Variants in CACNA2D4 observed in about 807,000 individuals in gnomAD.
CACNA2D4 encodes the protein calcium voltage-gated channel auxiliary subunit alpha2delta 4.
CACNA2D4 carries 157 observed loss-of-function variants against 163.8 expected under a neutral mutation model. The ratio of observed to expected loss-of-function variants is 0.96; its 90% confidence interval spans 0.84 to 1.09. CACNA2D4 has a LOEUF of 1.09. Among genes scored for constraint, CACNA2D4 ranks in the 50% least tolerant of loss-of-function variants. CACNA2D4 has a pLI of 0.00. For synonymous variants in CACNA2D4, 598 were observed against 586.9 expected (o/e 1.02, Z -0.27); for missense variants, 1,410 against 1,479.9 (o/e 0.95, Z 0.78).
rs752880005 is a variant in CACNA2D4, at chr12:1,834,243, CCT to C, written c.2551+6494_2551+6495del. 2.0e-6 allele frequency: 3 copies of C among 1,528,310 alleles called. No individual in the cohort carries two copies. Among genetic ancestry groups the C allele is most frequent in the African/African-American group, 1.4e-5 (1 of 72,542 alleles). 94.7% of individuals were successfully genotyped at this position (1,528,310 alleles called of 1,614,324 possible). A position where few individuals can be genotyped will look rare whatever the true frequency, so the allele number is the denominator to read the frequency against. ...GCAAGTTCTAGATGCCTGGTCAGCC[CCT>C]CTTTTTCTCTTCTGCATGTAGGGGG... On this transcript the variant is annotated intron_variant, in intron 26 of 37. Transcript: ENST00000382722. The surrounding 1 kb of genome is among the most constrained non-coding windows in gnomAD (Gnocchi z 7.6).
intron 36 of CACNA2D4, 42 bp downstream of exon 36, chr12:1,795,626 C>T: frequency 7.3e-7 from 1 of 1,374,762 alleles, no homozygotes; most frequent in Non-Finnish European, 1.0e-6. Flanking sequence ...CCTCCTACAG[C>T]CCCCGCCCCC....
chr12:1,859,354 C>A (rs534441497), intron 19 of CACNA2D4, among the ~76,000 whole-genome samples: 1 of 152,130 alleles, frequency 6.6e-6, no homozygotes, highest in South Asian at 2.1e-4. Context: ...GAGATCCTGT[C>A]TCAAAAAAAA....
At position 1,801,711 on chromosome 12, in the gene CACNA2D4, CCAGCACTATTTATT is replaced by C. The variant is rs1863340056; in HGVS notation, c.2722-81_2722-68del. The C allele has an allele frequency of 1.5e-5, 17 of 1,116,846 alleles. 1 individual carries two copies. The South Asian group carries it at 2.4e-4, about 16-fold the overall frequency. The allele number at this position is 1,116,846 out of a possible 1,614,324, so 69.2% of individuals were successfully genotyped here. ...TGGAGCAGGATGGAGCCTTCCGAGT[CCAGCACTATTTATT>C]CAGCTCAGGTCGAGGCTTTTGGTGC... On this transcript the variant is annotated intron_variant, in intron 29 of 37. Transcript: ENST00000382722.
intron 6 of CACNA2D4, among the ~76,000 whole-genome samples, chr12:1,887,335 C>T (rs539398001): frequency 6.6e-6 from 1 of 152,288 alleles, no homozygotes; most frequent in South Asian, 2.1e-4. Context: ...ATTTGTGAGG[C>T]AAAACCTCAT....
At chr12:1,915,473 C>A (rs1211043816) in intron 1 of CACNA2D4, among the ~76,000 whole-genome samples, 4 of 152,192 alleles carry the variant, frequency 2.6e-5, no homozygotes, top group Non-Finnish European at 5.9e-5. Context: ...GGACAACCTG[C>A]CTGGCCACAG....
In CACNA2D4 at chr12:1,834,352, C is replaced by A. The variant is rs781383616; in HGVS notation, c.2551+6387G>T. 1 of 1,613,124 alleles carries A rather than the reference C, an allele frequency of 6.2e-7. No homozygotes were observed. The highest frequency in any genetic ancestry group is 1.7e-5 in the Admixed American group (1 of 59,988). On this transcript the variant is annotated intron_variant, in intron 26 of 37. Transcript: ENST00000382722. This position sits in a 1 kb window ranked among gnomAD's most constrained non-coding sequence, Gnocchi z 7.6. ...GGATGGTCCCCATGGAGATGTTCAA[C>A]TACTGCTCCCAGCTGGAGGACGAGA...
chr12:1,915,359 A>C (rs1866946132), intron 1 of CACNA2D4: 1 of 651,896 alleles, frequency 1.5e-6, no homozygotes, highest in African/African-American at 1.8e-5. Context: ...GCTTGACCCC[A>C]AGCTTCCAGG....
At chr12:1,809,076 G>T (rs1209568343) in intron 29 of CACNA2D4, among the ~76,000 whole-genome samples, 1 of 152,216 alleles carries the variant, frequency 6.6e-6, no homozygotes, top group African/African-American at 2.4e-5. Context: ...CGTTAAGTGG[G>T]TCATTTAAAC....
In CACNA2D4 at chr12:1,801,659, C is replaced by T. The variant is rs1863336324; in HGVS notation, c.2722-15G>A. 2 of 1,556,774 alleles carry T rather than the reference C, an allele frequency of 1.3e-6. No individual in the cohort carries two copies. The highest frequency in any genetic ancestry group is 1.7e-6 in the Non-Finnish European group (2 of 1,143,256). On this transcript the variant is annotated splice_polypyrimidine_tract_variant and intron_variant, in intron 29 of 37. Coordinates refer to ENST00000382722, the MANE Select transcript of CACNA2D4 (RefSeq NM_172364.5). ...AATCTTCCCGTCTGTGAGAGAGGGA[C>T]AGCAGAGAGAGAGGGAGGGAGAGAG...
Position 1,828,256 on chromosome 12 carries a change from TG to T in CACNA2D4, c.2551+12482del, listed in dbSNP as rs1864446390. On this transcript the variant is annotated intron_variant, in intron 26 of 37. Coordinates refer to ENST00000382722, the MANE Select transcript of CACNA2D4 (RefSeq NM_172364.5). This position sits in a 1 kb window ranked among gnomAD's most constrained non-coding sequence, Gnocchi z 4.2. ...GCCTCGGAGGGGGGTGCGGGTTGGG[TG>T]GGGGTGCCGAGGTGACTGTAGGTAG... is the stretch of plus-strand genomic sequence containing the variant. The T allele has an allele frequency of 2.1e-6, 3 of 1,460,952 alleles. No homozygotes were observed. Among genetic ancestry groups the T allele is most frequent in the South Asian group, 1.3e-5 (1 of 78,514 alleles). The allele number at this position is 1,460,952 out of a possible 1,614,324, so 90.5% of individuals were successfully genotyped here.
At chr12:1,847,509 G>A (rs34863216) in intron 23 of CACNA2D4, among the ~76,000 whole-genome samples, 2,268 of 152,266 alleles carry the variant, frequency 0.015, 60 homozygotes, top group East Asian at 0.12. Flanking sequence ...GAAAATCACT[G>A]AGGGAAAGGG....
intron 18 of CACNA2D4, 44 bp from the exon 19 acceptor site, chr12:1,860,250 G>A (rs564875830): frequency 2.4e-5 from 37 of 1,529,356 alleles, no homozygotes; most frequent in South Asian, 1.9e-4. Flanking sequence ...AGAGAAGAGC[G>A]GCCCCCAGCC....
At chr12:1,856,526 C>T (rs908580020) in intron 20 of CACNA2D4, among the ~76,000 whole-genome samples, 3 of 152,264 alleles carry the variant, frequency 2.0e-5, no homozygotes, top group African/African-American at 7.2e-5. Flanking sequence ...CTGCAGCCCT[C>T]ATGCCCCTCC....
Position 1,874,530 on chromosome 12 carries a change from C to T in CACNA2D4, c.1878+74G>A. The T allele has an allele frequency of 9.8e-7, 1 of 1,016,186 alleles. No homozygotes were observed. 62.9% of individuals were successfully genotyped at this position (1,016,186 alleles called of 1,614,324 possible). A position where few individuals can be genotyped will look rare whatever the true frequency, so the allele number is the denominator to read the frequency against. On this transcript the variant is annotated intron_variant, in intron 18 of 37. Transcript: ENST00000382722. This position sits in a 1 kb window ranked among gnomAD's most constrained non-coding sequence, Gnocchi z 4.4. ...GCTATAATTAGGCTAAGTCCAGGTC[C>T]CTCGTCACTACTCCAAACCCAATTA...
intron 6 of CACNA2D4, among the ~76,000 whole-genome samples, chr12:1,890,638 G>C (rs1186745048): frequency 1.3e-5 from 2 of 152,184 alleles, no homozygotes; most frequent in Non-Finnish European, 2.9e-5. Context: ...CACAGCCACT[G>C]CTGCCCCAAC....
chr12:1,860,339 G>A (rs56110511), intron 18 of CACNA2D4, 133 bp from the exon 19 acceptor site: 102,096 of 679,440 alleles, frequency 0.15, 14,596 homozygotes, highest in East Asian at 0.5. Flanking sequence ...TCCCTGACCA[G>A]CCCCTACACA....
At position 1,883,086 on chromosome 12, in the gene CACNA2D4, A is replaced by G. The variant is rs377193322; in HGVS notation, c.1352-86T>C. ...GGGCCTGCACCCTCCCCAGCTGCAG[A>G]TGGCTCATAGCCGAATACTCTCTGG... is the stretch of plus-strand genomic sequence containing the variant. On this transcript the variant is annotated intron_variant, in intron 12 of 37. Transcript: ENST00000382722. The surrounding 1 kb of genome is among the most constrained non-coding windows in gnomAD (Gnocchi z 4.5). 3.7e-5 allele frequency: 52 copies of G among 1,419,000 alleles called. 1 individual carries two copies. The East Asian group carries it at 7.6e-4, about 21-fold the overall frequency. The allele number at this position is 1,419,000 out of a possible 1,614,324, so 87.9% of individuals were successfully genotyped here. A position where few individuals can be genotyped will look rare whatever the true frequency, so the allele number is the denominator to read the frequency against.
In CACNA2D4 at chr12:1,902,834, T is replaced by G. The variant is rs147572790; in HGVS notation, c.781+4606A>C. On this transcript the variant is annotated intron_variant, in intron 6 of 37. Transcript: ENST00000382722. ...AATGCAATCCCTATCAAAATACCAA[T>G]GACATTCTTCACAGATATAGAAGAA... Among the ~76,000 whole-genome samples the G allele has an allele frequency of 3.1e-3, 475 of 152,140 alleles. 9 individuals are homozygous for G. Among genetic ancestry groups the G allele is most frequent in the East Asian group, 0.017 (86 of 5,184 alleles).
intron 26 of CACNA2D4, among the ~76,000 whole-genome samples, chr12:1,824,466 A>T (rs749224811): frequency 3.3e-5 from 5 of 151,840 alleles, no homozygotes; most frequent in Non-Finnish European, 5.9e-5. Context: ...CCATTCTCCA[A>T]TCCTGGCTCT....
Sources: allele counts gnomAD v4.1 joint callset (sites outside exome capture counted in the v4.1 genomes callset), GRCh38; gene constraint gnomAD v4.1.1; non-coding constraint Gnocchi (gnomAD v3.1); transcripts MANE v1.5; gene names NCBI Gene and HGNC (gene_info 2026-07-23, HGNC 2026-07-21).